FOXP1: variants seen among roughly 807,000 people sequenced by gnomAD.
The protein encoded by FOXP1 is forkhead box P1.
A neutral mutation model predicts 98.2 loss-of-function variants in FOXP1; 15 were observed. That is an observed-to-expected ratio of 0.15 (90% CI 0.10 to 0.24). FOXP1 has a LOEUF of 0.24. Among genes scored for constraint, FOXP1 ranks in the 10% least tolerant of loss-of-function variants. FOXP1 has a pLI of 1.00. For synonymous variants in FOXP1, 371 were observed against 314.5 expected (o/e 1.18, Z -1.90); for missense variants, 633 against 848.5 (o/e 0.75, Z 3.15).
chr3:71,135,101 A>T (rs1477687888), intron 6 of FOXP1, among the ~76,000 whole-genome samples: 4 of 151,960 alleles, frequency 2.6e-5, no homozygotes, highest in African/African-American at 9.7e-5. Context: ...TCTACCAAAA[A>T]TACAAAAATT....
At chr3:71,316,614 G>C (rs1027287764) in intron 4 of FOXP1, among the ~76,000 whole-genome samples, 1 of 151,616 alleles carries the variant, frequency 6.6e-6, no homozygotes, top group Non-Finnish European at 1.5e-5. Context: ...CCGGATGTAG[G>C]CCTGTACAAA....
chr3:71,076,076 T>G (rs959245832), intron 7 of FOXP1, among the ~76,000 whole-genome samples: 1 of 152,094 alleles, frequency 6.6e-6, no homozygotes, highest in Non-Finnish European at 1.5e-5. Flanking sequence ...CAATGAACTG[T>G]AGGTTGACCA....
At chr3:71,013,118 C>T (rs1296816227) in intron 12 of FOXP1, among the ~76,000 whole-genome samples, 1 of 152,098 alleles carries the variant, frequency 6.6e-6, no homozygotes, top group African/African-American at 2.4e-5. Flanking sequence ...ATATTATTTC[C>T]TTACAGAGAT....
At chr3:71,530,237 T>C (rs992336577) in intron 2 of FOXP1, among the ~76,000 whole-genome samples, 2 of 152,098 alleles carry the variant, frequency 1.3e-5, no homozygotes, top group Non-Finnish European at 2.9e-5. Flanking sequence ...TCTGCCCCCA[T>C]GAATGGATTA....
At chr3:71,102,523 T>G (rs2107674393) in intron 7 of FOXP1, among the ~76,000 whole-genome samples, 1 of 152,336 alleles carries the variant, frequency 6.6e-6, no homozygotes, top group South Asian at 2.1e-4. Context: ...TTTTCCAAAC[T>G]GCTTCTCAAT....
intron 3 of FOXP1, among the ~76,000 whole-genome samples, chr3:71,387,271 T>C (rs1233566098): frequency 7.2e-5 from 11 of 152,234 alleles, no homozygotes; most frequent in Non-Finnish European, 1.5e-5. Context: ...AATCAAATGC[T>C]GGTCTCGTGC....
chr3:71,558,548 G>A (rs1398535908), intron 2 of FOXP1, among the ~76,000 whole-genome samples: 2 of 150,286 alleles, frequency 1.3e-5, no homozygotes, highest in Non-Finnish European at 3.0e-5. Context: ...ATGCTGGAGT[G>A]CAGTAGGGTG....
intron 5 of FOXP1, among the ~76,000 whole-genome samples, chr3:71,248,687 G>A (rs1297149432): frequency 6.6e-6 from 1 of 151,490 alleles, no homozygotes; most frequent in East Asian, 1.9e-4. Flanking sequence ...CTTGCAGTGA[G>A]CCGAGATTGC....
At position 70,959,146 on chromosome 3, in the gene FOXP1, C is replaced by T. The variant is rs2106849974; in HGVS notation, c.*101G>A. 7.2e-7 allele frequency: 1 copy of T among 1,385,112 alleles called. No homozygotes were observed. Among genetic ancestry groups the T allele is most frequent in the South Asian group, 1.2e-5 (1 of 85,028 alleles). 85.8% of individuals were successfully genotyped at this position (1,385,112 alleles called of 1,614,324 possible). Reference sequence around the variant, plus strand: ...CAAAACGTAGTGAAAATCCTCCAGACTGTACAACAAATGGAGAACAATTTC... The same window carrying T: ...CAAAACGTAGTGAAAATCCTCCAGATTGTACAACAAATGGAGAACAATTTC... On this transcript the variant is annotated 3_prime_UTR_variant, in exon 21 of 21. Transcript: ENST00000649528.
At chr3:71,476,072 G>T (rs547309700) in intron 3 of FOXP1, among the ~76,000 whole-genome samples, 1 of 152,078 alleles carries the variant, frequency 6.6e-6, no homozygotes, top group African/African-American at 2.4e-5. Context: ...CAGATTATCC[G>T]ATAGCATTCA....
chr3:71,190,588 C>T (rs2062908861), intron 6 of FOXP1, among the ~76,000 whole-genome samples: 1 of 148,656 alleles, frequency 6.7e-6, no homozygotes, highest in Admixed American at 6.7e-5. Context: ...ATGATCGCAA[C>T]CCTGTACTCT....
At chr3:71,288,036 A>G (rs866389218) in intron 5 of FOXP1, among the ~76,000 whole-genome samples, 25 of 151,840 alleles carry the variant, frequency 1.6e-4, no homozygotes, top group African/African-American at 6.0e-4. Context: ...ATGCGCCACC[A>G]CGCCCGGCTA....
At chr3:71,260,061 G>A (rs977534706) in intron 5 of FOXP1, among the ~76,000 whole-genome samples, 3 of 152,200 alleles carry the variant, frequency 2.0e-5, no homozygotes, top group Admixed American at 6.5e-5. Context: ...TCGGCTCACT[G>A]CAAGCTCCGC....
At chr3:71,445,689 C>CTT (rs112723777) in intron 3 of FOXP1, among the ~76,000 whole-genome samples, 2,100 of 142,218 alleles carry the variant, frequency 0.015, 62 homozygotes, top group African/African-American at 0.051. Context: ...ATATTTATAC[C>CTT]TTTTTTTTTT....
intron 2 of FOXP1, among the ~76,000 whole-genome samples, chr3:71,505,184 T>A (rs1367296905): frequency 6.6e-6 from 1 of 151,908 alleles, no homozygotes; most frequent in Non-Finnish European, 1.5e-5. Context: ...CAACATAGAG[T>A]TATAATTCTG....
intron 12 of FOXP1, among the ~76,000 whole-genome samples, chr3:71,005,077 T>G (rs1026067165): frequency 6.6e-6 from 1 of 152,048 alleles, no homozygotes; most frequent in Non-Finnish European, 1.5e-5. Context: ...AATACAGCTA[T>G]AAAAACAACA....
chr3:70,975,589 C>T (rs1044012195), intron 17 of FOXP1, among the ~76,000 whole-genome samples: 2 of 152,140 alleles, frequency 1.3e-5, no homozygotes, highest in East Asian at 1.9e-4. Context: ...TTATTTCAGG[C>T]GAAGGAAGTT....
At chr3:71,252,655 C>T (rs771230991) in intron 5 of FOXP1, among the ~76,000 whole-genome samples, 1 of 152,140 alleles carries the variant, frequency 6.6e-6, no homozygotes, top group African/African-American at 2.4e-5. Flanking sequence ...TCTTCTGACA[C>T]CCTTACTTGA....
chr3:71,567,955 T>C (rs935683334), intron 2 of FOXP1: 6 of 140,520 alleles, frequency 4.3e-5, no homozygotes, highest in African/African-American at 8.0e-5. Context: ...AGAAGGGCTA[T>C]AGAAGAAAAG....
Sources: gnomAD v4.1 joint callset for allele counts (sites outside exome capture counted in the v4.1 genomes callset) on GRCh38, gnomAD v4.1.1 for gene constraint, MANE v1.5 for transcripts, NCBI Gene and HGNC (gene_info 2026-07-23, HGNC 2026-07-21) for gene names.